Variants in CWC27 observed in about 807,000 individuals in gnomAD.
CWC27 encodes CWC27 spliceosome associated cyclophilin, also known as spliceosome-associated protein CWC27 homolog.
CWC27 carries 47 observed loss-of-function variants against 63.6 expected under a neutral mutation model. The ratio of observed to expected loss-of-function variants is 0.74; its 90% CI spans 0.58 to 0.94. The LOEUF is 0.94. Among genes scored for constraint, CWC27 ranks in the 40% least tolerant of loss-of-function variants. The probability of loss-of-function intolerance (pLI) is 0.00; values close to 1 mark genes in which losing one functional copy is unlikely to be tolerated. For synonymous variants in CWC27, 175 were observed against 179.8 expected (o/e 0.97, Z 0.22); for missense variants, 495 against 554.3 (o/e 0.89, Z 1.07).
chr5:64,833,827 A>G (rs1483535855), intron 10 of CWC27, among the ~76,000 whole-genome samples: 1 of 151,664 alleles, frequency 6.6e-6, no homozygotes, highest in Non-Finnish European at 1.5e-5. Flanking sequence ...TTTATTCAGA[A>G]CATATAAGCT....
intron 10 of CWC27, 72 bp downstream of exon 10, chr5:64,804,458 T>G: frequency 7.4e-7 from 1 of 1,349,606 alleles, no homozygotes; most frequent in Non-Finnish European, 9.9e-7. Flanking sequence ...GATTGAATCC[T>G]CTCTTCAGCT....
At chr5:64,904,873 G>A (rs1370670739) in intron 11 of CWC27, among the ~76,000 whole-genome samples, 6 of 151,420 alleles carry the variant, frequency 4.0e-5, no homozygotes, top group African/African-American at 1.5e-4. Flanking sequence ...GCAACCTCGA[G>A]ATACTAGAAC....
At chr5:64,911,767 A>T (rs1014000533) in intron 11 of CWC27, among the ~76,000 whole-genome samples, 1 of 152,166 alleles carries the variant, frequency 6.6e-6, no homozygotes, top group Non-Finnish European at 1.5e-5. Flanking sequence ...CTCTAGTAGT[A>T]AAGGTTAACT....
intron 2 of CWC27, among the ~76,000 whole-genome samples, chr5:64,777,340 TAAA>T (rs756954156): frequency 1.3e-5 from 2 of 152,032 alleles, no homozygotes; most frequent in Non-Finnish European, 2.9e-5. Flanking sequence ...TTTACAAAAC[TAAA>T]ATATTTGTTT....
chr5:64,978,905 C>T (rs191577988), intron 13 of CWC27, among the ~76,000 whole-genome samples: 1 of 152,172 alleles, frequency 6.6e-6, no homozygotes, highest in East Asian at 1.9e-4. Context: ...ATTCAAACCC[C>T]AGAAGTTTTA....
At chr5:64,774,664 T>C in intron 1 of CWC27, 27 bp from the exon 2 acceptor site, 3 of 1,329,452 alleles carry the variant, frequency 2.3e-6, no homozygotes, top group Middle Eastern at 2.6e-4. Flanking sequence ...AATAATAATT[T>C]AATAAAATGT....
At chr5:64,806,314 T>C (rs764313222) in intron 10 of CWC27, among the ~76,000 whole-genome samples, 16 of 152,216 alleles carry the variant, frequency 1.1e-4, no homozygotes, top group Non-Finnish European at 1.9e-4. Context: ...GTTAAATACT[T>C]TTCTACTTAG....
chr5:64,993,163 G>C (rs1340833969), intron 13 of CWC27, among the ~76,000 whole-genome samples: 1 of 152,160 alleles, frequency 6.6e-6, no homozygotes, highest in African/African-American at 2.4e-5. Flanking sequence ...TATAGTGCCT[G>C]ACCCTTAGAG....
intron 10 of CWC27, among the ~76,000 whole-genome samples, chr5:64,852,941 A>G (rs1246278186): frequency 3.3e-5 from 5 of 152,220 alleles, no homozygotes; most frequent in Non-Finnish European, 5.9e-5. Context: ...TATGGGTCCC[A>G]TTCCCTATCC....
chr5:64,870,868 A>G (rs139870541), intron 10 of CWC27, among the ~76,000 whole-genome samples: 85 of 152,248 alleles, frequency 5.6e-4, no homozygotes, highest in African/African-American at 2.0e-3. Context: ...ATATAAACTG[A>G]ATAATTATTT....
At chr5:64,917,178 G>A (rs1185438664) in intron 11 of CWC27, among the ~76,000 whole-genome samples, 2 of 152,024 alleles carry the variant, frequency 1.3e-5, no homozygotes, top group Admixed American at 1.3e-4. Flanking sequence ...GCAGTATTTT[G>A]TGATGTCCAG....
chr5:64,924,482 T>C (rs1487057794), intron 11 of CWC27, among the ~76,000 whole-genome samples: 3 of 152,186 alleles, frequency 2.0e-5, no homozygotes, highest in Non-Finnish European at 4.4e-5. Flanking sequence ...GTAATCTACG[T>C]CTCTGTTTGC....
chr5:64,868,090 G>A (rs1176400123), intron 10 of CWC27, among the ~76,000 whole-genome samples: 12 of 151,950 alleles, frequency 7.9e-5, no homozygotes, highest in Admixed American at 7.9e-4. Flanking sequence ...CAGCCACAAA[G>A]CTAATAGCAA....
chr5:64,893,695 G>T (rs1747297375), intron 11 of CWC27, among the ~76,000 whole-genome samples: 1 of 152,152 alleles, frequency 6.6e-6, no homozygotes, highest in African/African-American at 2.4e-5. Context: ...AGAAATCATT[G>T]AGAACCTATT....
intron 13 of CWC27, among the ~76,000 whole-genome samples, chr5:64,996,276 C>T (rs1408638930): frequency 1.3e-5 from 2 of 152,104 alleles, no homozygotes; most frequent in Non-Finnish European, 2.9e-5. Flanking sequence ...CAAAATCCCC[C>T]TCCAAAAACA....
chr5:64,922,803 A>G (rs546956228), intron 11 of CWC27, among the ~76,000 whole-genome samples: 4 of 152,062 alleles, frequency 2.6e-5, no homozygotes, highest in Non-Finnish European at 5.9e-5. Flanking sequence ...TTTTATTTTT[A>G]TGATCTTCAT....
intron 13 of CWC27, among the ~76,000 whole-genome samples, chr5:64,989,276 A>G (rs1219995814): frequency 6.6e-6 from 1 of 152,102 alleles, no homozygotes; most frequent in Admixed American, 6.5e-5. Context: ...CTCTTTTAAG[A>G]TTTCTGTATA....
chr5:64,792,578 A>G (rs1352127407), intron 7 of CWC27, among the ~76,000 whole-genome samples: 2 of 152,084 alleles, frequency 1.3e-5, no homozygotes, highest in African/African-American at 4.8e-5. Context: ...GTAATACTGT[A>G]CATTTGCCTT....
intron 10 of CWC27, among the ~76,000 whole-genome samples, chr5:64,823,723 G>A (rs1745279693): frequency 6.6e-6 from 1 of 152,200 alleles, no homozygotes. Context: ...GTTAAGTCAA[G>A]TGAAGTTAAA....
Sources: allele counts gnomAD v4.1 joint callset (sites outside exome capture counted in the v4.1 genomes callset), GRCh38; gene constraint gnomAD v4.1.1; transcripts MANE v1.5; gene names NCBI Gene and HGNC (gene_info 2026-07-23, HGNC 2026-07-21).